The following GRM5 variants were observed in gnomAD, a reference collection of about 807,000 sequenced individuals.
GRM5 encodes the protein metabotropic glutamate receptor 5.
GRM5 carries 19 observed loss-of-function variants against 83.1 expected under a neutral mutation model. The ratio of observed to expected loss-of-function variants is 0.23; its 90% confidence interval spans 0.16 to 0.34. The LOEUF is 0.34. Ranked by LOEUF, GRM5 falls within the 10% of genes least tolerant of loss-of-function variation. The probability of loss-of-function intolerance (pLI) is 1.00; values close to 1 mark genes in which losing one functional copy is unlikely to be tolerated. For synonymous variants in GRM5, 675 were observed against 633.6 expected (o/e 1.07, Z -0.98); for missense variants, 1,160 against 1,588.3 (o/e 0.73, Z 4.58).
At chr11:88,887,670 C>CAA (rs1335740902) in intron 2 of GRM5, among the ~76,000 whole-genome samples, 3 of 152,162 alleles carry the variant, frequency 2.0e-5, no homozygotes, top group Non-Finnish European at 4.4e-5. Context: ...TCCACTCTGT[C>CAA]ACACGAAAAG....
At chr11:88,754,682 A>G (rs995224905) in intron 3 of GRM5, among the ~76,000 whole-genome samples, 2 of 152,158 alleles carry the variant, frequency 1.3e-5, no homozygotes, top group Admixed American at 6.5e-5. Context: ...TTTGAGAATT[A>G]TAAGTGCATA....
intron 8 of GRM5, among the ~76,000 whole-genome samples, chr11:88,556,454 C>G (rs1263590770): frequency 6.6e-6 from 1 of 151,728 alleles, no homozygotes; most frequent in East Asian, 1.9e-4. Context: ...TCCCAAGTAG[C>G]TGGGATTACA....
chr11:88,980,290 T>C (rs984432194), intron 2 of GRM5, among the ~76,000 whole-genome samples: 4 of 152,170 alleles, frequency 2.6e-5, no homozygotes, highest in Admixed American at 2.6e-4. Context: ...TCTGAGTAGT[T>C]AACAAAAAAT....
chr11:88,998,297 C>A (rs988904956), intron 2 of GRM5, among the ~76,000 whole-genome samples: 3 of 152,058 alleles, frequency 2.0e-5, no homozygotes, highest in African/African-American at 7.2e-5. Context: ...ATTTGAAAAT[C>A]AATCAATGTA....
At chr11:88,594,379 C>T (rs376129229) in intron 6 of GRM5, among the ~76,000 whole-genome samples, 1 of 152,130 alleles carries the variant, frequency 6.6e-6, no homozygotes, top group African/African-American at 2.4e-5. Context: ...AATATTTAGG[C>T]TTTGGGCCAT....
At chr11:88,826,451 T>A (rs910439160) in intron 3 of GRM5, among the ~76,000 whole-genome samples, 2 of 151,176 alleles carry the variant, frequency 1.3e-5, no homozygotes, top group African/African-American at 4.8e-5. Flanking sequence ...TAATTATATA[T>A]ATAATTATTT....
chr11:88,803,470 A>G (rs1298953013), intron 3 of GRM5, among the ~76,000 whole-genome samples: 1 of 151,594 alleles, frequency 6.6e-6, no homozygotes, highest in Non-Finnish European at 1.5e-5. Flanking sequence ...TGCTGGGAAA[A>G]CTGGCTAGCC....
intron 3 of GRM5, among the ~76,000 whole-genome samples, chr11:88,833,194 A>C (rs1383179016): frequency 6.6e-6 from 1 of 152,166 alleles, no homozygotes; most frequent in Non-Finnish European, 1.5e-5. Context: ...GAATGGAAGA[A>C]AATATTTGCA....
rs1364744522 is a variant in GRM5, at chr11:88,509,234, C to T, written c.2997G>A (p.Ala999=). ...GPESPDAGPK[A]LYDVAEAEEH... Reference sequence around the variant, plus strand: ...CCTCAGCCTCGGCCACATCATACAGCGCCTTGGGGCCGGCGTCTGGGGACT... The same window carrying T: ...CCTCAGCCTCGGCCACATCATACAGTGCCTTGGGGCCGGCGTCTGGGGACT... The change falls in exon 10 of 10, where the codon GCG becomes GCA. Residue 999 remains alanine, a synonymous_variant. Coordinates refer to ENST00000305447, the MANE Select transcript of GRM5 (RefSeq NM_001143831.3). The T allele has an allele frequency of 2.1e-5, 32 of 1,502,366 alleles. No individual in the cohort carries two copies. Among genetic ancestry groups the T allele is most frequent in the Non-Finnish European group, 2.7e-5 (30 of 1,128,658 alleles). 93.1% of individuals were successfully genotyped at this position (1,502,366 alleles called of 1,614,324 possible).
chr11:88,827,697 T>A (rs1267974500), intron 3 of GRM5, among the ~76,000 whole-genome samples: 2 of 152,204 alleles, frequency 1.3e-5, no homozygotes, highest in Non-Finnish European at 2.9e-5. Context: ...TGCTAAAATA[T>A]GGATTAAGGT....
At chr11:88,565,911 A>T (rs992034218) in intron 8 of GRM5, among the ~76,000 whole-genome samples, 1 of 152,224 alleles carries the variant, frequency 6.6e-6, no homozygotes, top group Non-Finnish European at 1.5e-5. Flanking sequence ...ATTTATTTTC[A>T]AACTTCAGCA....
rs148569493 is a variant in GRM5 at position 88,975,663 on chromosome 11, C to T, written c.661+71549G>A. Among the ~76,000 whole-genome samples the T allele has an allele frequency of 2.5e-3, 375 of 152,282 alleles. 3 individuals are homozygous for T. The highest frequency in any genetic ancestry group is 8.4e-3 in the African/African-American group (350 of 41,556). ...CAACCCAGATCTACTGACTCAGAAA[C>T]TGCCTTTTAACATTATCCCCAGTTG... On this transcript the variant is annotated intron_variant, in intron 2 of 9. Transcript: ENST00000305447.
chr11:88,626,655 A>G (rs976847149), intron 4 of GRM5, among the ~76,000 whole-genome samples: 1 of 152,152 alleles, frequency 6.6e-6, no homozygotes, highest in Admixed American at 6.6e-5. Flanking sequence ...GTCCCCTCAA[A>G]TACCCTCAAT....
chr11:88,962,741 A>T (rs568676780), intron 2 of GRM5, among the ~76,000 whole-genome samples: 1 of 152,164 alleles, frequency 6.6e-6, no homozygotes, highest in African/African-American at 2.4e-5. Flanking sequence ...ATCTAGAAAA[A>T]AATAATGTGA....
intron 2 of GRM5, chr11:88,984,784 G>A: frequency 1.4e-6 from 1 of 739,798 alleles, no homozygotes; most frequent in Non-Finnish European, 2.5e-6. Flanking sequence ...TGGGGAAACA[G>A]AGAGACAGCA....
intron 3 of GRM5, among the ~76,000 whole-genome samples, chr11:88,751,783 A>C (rs1319499392): frequency 1.3e-5 from 2 of 152,216 alleles, no homozygotes; most frequent in Non-Finnish European, 2.9e-5. Flanking sequence ...CTCAGGATGC[A>C]AGGTTGTTTC....
chr11:88,974,859 A>G (rs1939283858), intron 2 of GRM5, among the ~76,000 whole-genome samples: 1 of 152,206 alleles, frequency 6.6e-6, no homozygotes, highest in South Asian at 2.1e-4. Context: ...AGGAAAGACA[A>G]AACTTGGTAA....
chr11:88,689,107 A>C (rs1565187844), intron 3 of GRM5, among the ~76,000 whole-genome samples: 1 of 152,166 alleles, frequency 6.6e-6, no homozygotes, highest in Non-Finnish European at 1.5e-5. Flanking sequence ...GATACTGCTA[A>C]CTGTGATACT....
At chr11:88,909,324 A>G (rs1319908654) in intron 2 of GRM5, among the ~76,000 whole-genome samples, 5 of 152,048 alleles carry the variant, frequency 3.3e-5, no homozygotes, top group African/African-American at 9.7e-5. Flanking sequence ...TCTTACTCAT[A>G]TACTTCCTCG....
Sources: allele counts gnomAD v4.1 joint callset (sites outside exome capture counted in the v4.1 genomes callset), GRCh38; gene constraint gnomAD v4.1.1; transcripts MANE v1.5; gene names NCBI Gene and HGNC (gene_info 2026-07-23, HGNC 2026-07-21).